CSMD2: variants seen among roughly 807,000 people sequenced by gnomAD.
The protein encoded by CSMD2 is CUB and Sushi multiple domains 2.
CSMD2 carries 130 observed loss-of-function variants against 398.5 expected under a neutral mutation model. That is an observed-to-expected ratio of 0.33 (90% CI 0.28 to 0.38). The LOEUF (loss-of-function observed/expected upper bound fraction) is 0.38. Among genes scored for constraint, CSMD2 ranks in the 10% least tolerant of loss-of-function variants. The pLI is 1.00. For synonymous variants in CSMD2, 1,828 were observed against 1,908.5 expected, an observed-to-expected ratio of 0.96 and a Z score of 1.10; for missense variants, 3,829 against 4,764.9, an observed-to-expected ratio of 0.80 and a Z score of 5.78.
chr1:33,931,758 C>T (rs1290297066), intron 4 of CSMD2, among the ~76,000 whole-genome samples: 1 of 152,192 alleles, frequency 6.6e-6, no homozygotes, highest in African/African-American at 2.4e-5. Flanking sequence ...CCTTCTGCTC[C>T]ATGCTAAGGA....
chr1:34,152,877 A>G (rs1316260183), intron 1 of CSMD2, among the ~76,000 whole-genome samples: 1 of 151,304 alleles, frequency 6.6e-6, no homozygotes, highest in Non-Finnish European at 1.5e-5. Context: ...TAAATGATTA[A>G]CTCCCCATCT....
intron 49 of CSMD2, among the ~76,000 whole-genome samples, chr1:33,573,403 T>C (rs952083310): frequency 2.0e-5 from 3 of 151,980 alleles, no homozygotes; most frequent in Non-Finnish European, 4.4e-5. Context: ...ACAGAGCTAA[T>C]TTAGAAAACA....
chr1:34,089,273 G>C (rs1658277740), intron 1 of CSMD2, 80 bp from the exon 2 acceptor site: 1 of 1,354,116 alleles, frequency 7.4e-7, no homozygotes, highest in African/African-American at 1.4e-5. Flanking sequence ...CAATGTGTTA[G>C]CAAATCATGA....
At position 34,025,225 on chromosome 1, in the gene CSMD2, G is replaced by A. The variant is rs79736661; in HGVS notation, c.517+7369C>T. 8.3e-3 allele frequency among the ~76,000 whole-genome samples: 1,260 copies of A among 152,162 alleles called. 26 individuals are homozygous for A. Among genetic ancestry groups the A allele is most frequent in the South Asian group, 0.063 (305 of 4,816 alleles). On this transcript the variant is annotated intron_variant, in intron 3 of 70. Coordinates refer to ENST00000373381, the MANE Select transcript of CSMD2 (RefSeq NM_001281956.2). ...GTCCTTATACAGAGATGATATTACC[G>A]ATCTTCCATTGGTAGCAAAAGCATA... is the stretch of plus-strand genomic sequence containing the variant.
Position 33,918,122 on chromosome 1 carries a change from C to G in CSMD2, c.892G>C (p.Val298Leu), listed in dbSNP as rs1182959046. 4 of 1,614,008 alleles carry G rather than the reference C, an allele frequency of 2.5e-6. No individual in the cohort carries two copies. In the South Asian group the frequency reaches 3.3e-5, roughly 13 times the overall value. Residue 298 changes from valine to leucine, a missense_variant, in exon 5 of 71, where the codon GTC (valine) becomes CTC (leucine). This residue lies in a region of CSMD2 where 2,001 missense variants were observed against 2,567.1 expected (regional missense o/e 0.78). Transcript: ENST00000373381. Reference sequence around the variant, plus strand: ...AGGGAGGAGCCTTCTGTCCCAGTGACTTCCAGAAAGTCGTAACCATCCTCC... The same window carrying G: ...AGGGAGGAGCCTTCTGTCCCAGTGAGTTCCAGAAAGTCGTAACCATCCTCC... The part of the protein sequence containing the change: ...QLEDGYDFLE[V>L]TGTEGSSLWF...
At chr1:33,906,554 T>C (rs1643101678) in intron 5 of CSMD2, among the ~76,000 whole-genome samples, 1 of 152,204 alleles carries the variant, frequency 6.6e-6, no homozygotes, top group African/African-American at 2.4e-5. Flanking sequence ...TGAATGTGGC[T>C]GGTGAGAGAG....
intron 1 of CSMD2, among the ~76,000 whole-genome samples, chr1:34,090,185 G>A (rs1176257404): frequency 6.6e-6 from 1 of 152,150 alleles, no homozygotes; most frequent in Non-Finnish European, 1.5e-5. Flanking sequence ...GCATCACCTG[G>A]GGAATCTGTC....
intron 11 of CSMD2, among the ~76,000 whole-genome samples, chr1:33,791,217 G>T (rs1056867245): frequency 3.9e-5 from 6 of 152,222 alleles, no homozygotes; most frequent in African/African-American, 1.4e-4. Context: ...GTCCTTGGCT[G>T]AAATCAAAAG....
Position 33,540,617 on chromosome 1 carries a change from T to A in CSMD2, c.9539A>T (p.Tyr3180Phe). The A allele has an allele frequency of 6.2e-7, 1 of 1,614,186 alleles. No homozygotes were observed. The highest frequency in any genetic ancestry group is 1.3e-5 in the African/African-American group (1 of 75,046). ...GAGCTGGTACCCCTCCAGGCAGGCATAAGTCACACTTGAGCCCCACATGAA... is the reference window on the plus strand; with the variant it reads ...GAGCTGGTACCCCTCCAGGCAGGCAAAAGTCACACTTGAGCCCCACATGAA... ...SDFMWGSSVT[Y>F]ACLEGYQLSL... is the part of the protein sequence containing the mutation. The change falls in exon 60 of 71, where the codon TAT becomes TTT. Residue 3180 changes from tyrosine to phenylalanine, a missense_variant. Physicochemically the swap from Tyr to Phe is conservative, Grantham distance 22. Transcript: ENST00000373381.
At chr1:33,871,498 C>T (rs1230869617) in intron 5 of CSMD2, among the ~76,000 whole-genome samples, 2 of 152,198 alleles carry the variant, frequency 1.3e-5, no homozygotes, top group African/African-American at 4.8e-5. Context: ...TTGACAGTTA[C>T]CAGTTACAGA....
At chr1:33,702,856 C>A (rs1645655013) in intron 22 of CSMD2, among the ~76,000 whole-genome samples, 1 of 152,010 alleles carries the variant, frequency 6.6e-6, no homozygotes, top group Non-Finnish European at 1.5e-5. Flanking sequence ...TTAAATCTAC[C>A]TGGAATTTAT....
rs371893251 is a variant in CSMD2 at position 34,092,594 on chromosome 1, G to C, written c.188-3401C>G. Reference sequence around the variant, plus strand: ...AGCAGGGCGAGGCATTGCCTCACTCGGGACGTGCAAGGGGGCAGGGAGTTC... The same window carrying C: ...AGCAGGGCGAGGCATTGCCTCACTCCGGACGTGCAAGGGGGCAGGGAGTTC... On this transcript the variant is annotated intron_variant, in intron 1 of 70. Transcript: ENST00000373381. 3.5e-4 allele frequency among the ~76,000 whole-genome samples: 53 copies of C among 151,692 alleles called. 1 individual carries two copies. The East Asian group carries it at 8.7e-3, about 25-fold the overall frequency.
chr1:33,643,612 G>T (rs1180354784), intron 29 of CSMD2, among the ~76,000 whole-genome samples: 2 of 152,196 alleles, frequency 1.3e-5, no homozygotes, highest in African/African-American at 4.8e-5. Flanking sequence ...AGGAAGCAAT[G>T]CTCAGAGGAG....
intron 60 of CSMD2, among the ~76,000 whole-genome samples, chr1:33,540,045 T>A (rs915786637): frequency 6.6e-6 from 1 of 152,202 alleles, no homozygotes; most frequent in Non-Finnish European, 1.5e-5. Flanking sequence ...ACCTGCTTAC[T>A]GGGGATCTCA....
chr1:34,044,341 A>C (rs1243043970), intron 2 of CSMD2, among the ~76,000 whole-genome samples: 2 of 152,244 alleles, frequency 1.3e-5, no homozygotes, highest in Non-Finnish European at 2.9e-5. Flanking sequence ...ACTTTTAACA[A>C]GCTAAGTCAA....
intron 1 of CSMD2, among the ~76,000 whole-genome samples, chr1:34,097,382 C>A (rs1571108630): frequency 8.6e-6 from 1 of 115,690 alleles, no homozygotes; most frequent in Non-Finnish European, 1.7e-5. Flanking sequence ...ACACCAAAAG[C>A]AATGGCAACA....
chr1:33,690,666 G>C (rs1344173843), intron 25 of CSMD2, among the ~76,000 whole-genome samples: 1 of 152,120 alleles, frequency 6.6e-6, no homozygotes, highest in Non-Finnish European at 1.5e-5. Context: ...TTATGTTCTC[G>C]ATCCACTCAT....
chr1:33,602,274 G>T, intron 43 of CSMD2, 95 bp downstream of exon 43: 1 of 1,391,396 alleles, frequency 7.2e-7, no homozygotes, highest in Non-Finnish European at 1.0e-6. Context: ...TCACCTCTTG[G>T]TTTTTCTAAA....
At chr1:33,944,667 G>A (rs1011400651) in intron 3 of CSMD2, among the ~76,000 whole-genome samples, 1 of 152,086 alleles carries the variant, frequency 6.6e-6, no homozygotes, top group Non-Finnish European at 1.5e-5. Flanking sequence ...ACTATGAGCT[G>A]GGCACATTGC....
Sources: allele counts gnomAD v4.1 joint callset (sites outside exome capture counted in the v4.1 genomes callset), GRCh38; gene constraint gnomAD v4.1.1; regional missense constraint gnomAD v4.1.1; transcripts MANE v1.5; gene names NCBI Gene and HGNC (gene_info 2026-07-23, HGNC 2026-07-21).